Variants in TMEM132B observed in about 807,000 individuals in gnomAD.
TMEM132B encodes transmembrane protein 132B.
A neutral mutation model predicts 90.8 loss-of-function variants in TMEM132B; 18 were observed. The ratio of observed to expected loss-of-function variants is 0.20; its 90% CI spans 0.14 to 0.29. The LOEUF is 0.29. Ranked by LOEUF, TMEM132B falls within the 10% of genes least tolerant of loss-of-function variation. The pLI is 1.00. For synonymous variants in TMEM132B, 504 were observed against 523.3 expected, an observed-to-expected ratio of 0.96 and a Z score of 0.50; for missense variants, 1,096 against 1,326.8, an observed-to-expected ratio of 0.83 and a Z score of 2.70.
intron 3 of TMEM132B, among the ~76,000 whole-genome samples, chr12:125,437,609 G>A (rs965418608): frequency 4.0e-5 from 6 of 151,508 alleles, no homozygotes; most frequent in African/African-American, 1.5e-4. Context: ...AAAACGTAGC[G>A]TCTCCATATA....
rs117887737 is a variant in TMEM132B, at chr12:125,241,417, T to G, written c.67+54551T>G. 2.4e-3 allele frequency among the ~76,000 whole-genome samples: 372 copies of G among 152,346 alleles called. 1 individual carries two copies. The highest frequency in any genetic ancestry group is 4.2e-3 in the Non-Finnish European group (289 of 68,026). ...ATGCTCTATTTCAGCTGGGGTTTCA[T>G]GATGTGAGTTTTTTCCATGCACATT... On this transcript the variant is annotated intron_variant, in intron 1 of 8. Coordinates refer to ENST00000682704, the MANE Select transcript of TMEM132B (RefSeq NM_001366854.1).
At chr12:125,507,237 C>T (rs549399957) in intron 3 of TMEM132B, among the ~76,000 whole-genome samples, 1 of 152,284 alleles carries the variant, frequency 6.6e-6, no homozygotes, top group Non-Finnish European at 1.5e-5. Flanking sequence ...ATTATGCATG[C>T]ATTCATTCAT....
chr12:125,516,592 C>T (rs1180383958), intron 3 of TMEM132B, among the ~76,000 whole-genome samples: 3 of 152,222 alleles, frequency 2.0e-5, no homozygotes, highest in Non-Finnish European at 2.9e-5. Context: ...GACGTGCCCA[C>T]AGTCAGAAGG....
chr12:125,450,554 G>A (rs1162458689), intron 3 of TMEM132B, among the ~76,000 whole-genome samples: 2 of 152,128 alleles, frequency 1.3e-5, no homozygotes, highest in Admixed American at 1.3e-4. Context: ...AAGATACTGA[G>A]GCCCAATTAA....
intron 2 of TMEM132B, among the ~76,000 whole-genome samples, chr12:125,373,246 T>A (rs2136273803): frequency 6.6e-6 from 1 of 152,320 alleles, no homozygotes; most frequent in East Asian, 1.9e-4. Flanking sequence ...GATACAGCCA[T>A]TCACTCATGT....
intron 3 of TMEM132B, among the ~76,000 whole-genome samples, chr12:125,452,979 T>C (rs1221820121): frequency 6.6e-6 from 1 of 152,162 alleles, no homozygotes; most frequent in Non-Finnish European, 1.5e-5. Flanking sequence ...ATCAATCTTA[T>C]ATTCTGTGGC....
chr12:125,598,731 T>G (rs1842523797), intron 5 of TMEM132B, among the ~76,000 whole-genome samples: 1 of 152,222 alleles, frequency 6.6e-6, no homozygotes, highest in African/African-American at 2.4e-5. Context: ...CATTGCCACA[T>G]GCAAAGGGGC....
intron 1 of TMEM132B, among the ~76,000 whole-genome samples, chr12:125,270,349 C>G (rs1248151863): frequency 1.3e-5 from 2 of 152,118 alleles, no homozygotes; most frequent in Admixed American, 1.3e-4. Flanking sequence ...CCTTTGCTCC[C>G]TAAGGCCACT....
At chr12:125,405,885 C>T (rs1879458654) in intron 2 of TMEM132B, among the ~76,000 whole-genome samples, 1 of 152,194 alleles carries the variant, frequency 6.6e-6, no homozygotes. Flanking sequence ...CACAAATATT[C>T]CTGAGTGGCG....
chr12:125,319,763 C>G (rs527711486), intron 1 of TMEM132B, among the ~76,000 whole-genome samples: 7 of 152,296 alleles, frequency 4.6e-5, no homozygotes, highest in African/African-American at 1.7e-4. Context: ...ACCTGTAATC[C>G]CAGCCCTGTG....
intron 2 of TMEM132B, among the ~76,000 whole-genome samples, chr12:125,358,940 G>T (rs1308118821): frequency 6.6e-6 from 1 of 152,310 alleles, no homozygotes; most frequent in East Asian, 1.9e-4. Context: ...TATTGTAGAA[G>T]AATCTTGGCT....
Position 125,553,814 on chromosome 12 carries a change from C to G in TMEM132B, c.1294-30037C>G, listed in dbSNP as rs115628152. ...GTCCTTTGCCAAAGTCTTGGACAGG[C>G]AACAGCATCCAAATGTAATTTAATA... On this transcript the variant is annotated intron_variant, in intron 4 of 8. Transcript: ENST00000682704. Among the ~76,000 whole-genome samples the G allele has an allele frequency of 9.8e-3, 1,495 of 152,296 alleles. 26 individuals are homozygous for G. Among genetic ancestry groups the G allele is most frequent in the African/African-American group, 0.035 (1,441 of 41,570 alleles).
In TMEM132B at chr12:125,588,935, T is replaced by C. The variant is rs147777043; in HGVS notation, c.1437+4941T>C. 2.4e-4 allele frequency among the ~76,000 whole-genome samples: 36 copies of C among 152,308 alleles called. No homozygotes were observed. The East Asian group carries it at 6.6e-3, about 28-fold the overall frequency. ...GCCCAATGTGGAGTTTAGAGGATGA[T>C]TAAATAAGAATGTATATCTAGAAAA... On this transcript the variant is annotated intron_variant, in intron 5 of 8. Transcript: ENST00000682704.
At chr12:125,564,660 T>C (rs1186407308) in intron 4 of TMEM132B, among the ~76,000 whole-genome samples, 1 of 152,212 alleles carries the variant, frequency 6.6e-6, no homozygotes, top group African/African-American at 2.4e-5. Flanking sequence ...ATGTGCCTCT[T>C]GTTTTTTCCT....
chr12:125,539,925 G>A (rs1883909236), intron 4 of TMEM132B, among the ~76,000 whole-genome samples: 1 of 152,098 alleles, frequency 6.6e-6, no homozygotes, highest in Admixed American at 6.5e-5. Context: ...ATATTAAGGT[G>A]AAAGCAGTCA....
intron 5 of TMEM132B, among the ~76,000 whole-genome samples, chr12:125,617,536 G>C (rs1319437603): frequency 1.3e-5 from 2 of 151,910 alleles, no homozygotes; most frequent in African/African-American, 4.8e-5. Flanking sequence ...GTAGAGACGG[G>C]GTTTCTCCAT....
intron 5 of TMEM132B, among the ~76,000 whole-genome samples, chr12:125,603,363 T>C (rs1885614791): frequency 1.3e-5 from 2 of 152,178 alleles, no homozygotes. Flanking sequence ...GGATTCCCCA[T>C]TTAATAAATG....
intron 3 of TMEM132B, among the ~76,000 whole-genome samples, chr12:125,443,943 T>C (rs1294767172): frequency 6.6e-6 from 1 of 152,180 alleles, no homozygotes; most frequent in Non-Finnish European, 1.5e-5. Context: ...ATTTTTTTTT[T>C]TCCTGTGGTA....
chr12:125,619,117 A>G (rs544297360), intron 5 of TMEM132B, among the ~76,000 whole-genome samples: 14 of 152,224 alleles, frequency 9.2e-5, no homozygotes, highest in African/African-American at 2.2e-4. Context: ...TGTTGCCCCA[A>G]TGATTTTCTT....
Sources: allele counts gnomAD v4.1 joint callset (sites outside exome capture counted in the v4.1 genomes callset), GRCh38; gene constraint gnomAD v4.1.1; transcripts MANE v1.5; gene names NCBI Gene and HGNC (gene_info 2026-07-23, HGNC 2026-07-21).